NEMP2: variants seen among roughly 807,000 people sequenced by gnomAD.
NEMP2 encodes the protein nuclear envelope integral membrane protein 2.
NEMP2 carries 53 observed loss-of-function variants against 54.2 expected under a neutral mutation model. That is an observed-to-expected ratio of 0.98 (90% CI 0.78 to 1.23). The LOEUF (loss-of-function observed/expected upper bound fraction) is 1.23, where lower values mean the gene tolerates loss of function less well. NEMP2 is among the 50% of genes most tolerant of loss of function. The probability of loss-of-function intolerance (pLI) is 0.00; values close to 1 mark genes in which losing one functional copy is unlikely to be tolerated. For synonymous variants in NEMP2, 197 were observed against 190.3 expected, an observed-to-expected ratio of 1.04 and a Z score of -0.29; for missense variants, 455 against 511.3, an observed-to-expected ratio of 0.89 and a Z score of 1.06.
At chr2:190,561,082 G>C in the NEMP2 span, among the ~76,000 whole-genome samples, 5 of 152,184 alleles carry the variant, frequency 3.3e-5, no homozygotes, top group African/African-American at 1.2e-4. The surrounding 1 kb of genome is among the most constrained non-coding windows in gnomAD (Gnocchi z 5.4). Context: ...GCAGTGGGAA[G>C]GAGGTTCCTA....
Position 190,531,385 on chromosome 2 carries a change from T to C in NEMP2, c.97+3174A>G, listed in dbSNP as rs1405939382. 6.6e-6 allele frequency among the ~76,000 whole-genome samples: 1 copy of C among 152,210 alleles called. No homozygotes were observed. Among genetic ancestry groups the C allele is most frequent in the Non-Finnish European group, 1.5e-5 (1 of 68,024 alleles). ...GATCAACCCTGAATGCCATCCTTACTATGGAAAGACAGGTTTCTAAGCCTG... is the reference window on the plus strand; with the variant it reads ...GATCAACCCTGAATGCCATCCTTACCATGGAAAGACAGGTTTCTAAGCCTG... On this transcript the variant is annotated intron_variant, in intron 1 of 8. Transcript: ENST00000409150. The surrounding 1 kb of genome is among the most constrained non-coding windows in gnomAD (Gnocchi z 4.7).
chr2:190,604,637 A>G, the NEMP2 span, among the ~76,000 whole-genome samples: 1 of 152,192 alleles, frequency 6.6e-6, no homozygotes, highest in East Asian at 1.9e-4. The surrounding 1 kb of genome is among the most constrained non-coding windows in gnomAD (Gnocchi z 4.5). Flanking sequence ...AGCACTAAGT[A>G]GCAAAGTCAA....
the NEMP2 span, among the ~76,000 whole-genome samples, chr2:190,565,133 C>G: frequency 6.6e-6 from 1 of 151,578 alleles, no homozygotes; most frequent in Non-Finnish European, 1.5e-5. Flanking sequence ...CCAAGCTACT[C>G]CCTCCTGCTC....
chr2:190,638,015 G>A, the NEMP2 span, among the ~76,000 whole-genome samples: 1 of 152,236 alleles, frequency 6.6e-6, no homozygotes, highest in Admixed American at 6.5e-5. This position sits in a 1 kb window ranked among gnomAD's most constrained non-coding sequence, Gnocchi z 5.7. Flanking sequence ...GGGTGCCCGA[G>A]AGGGAGGTGA....
the NEMP2 span, among the ~76,000 whole-genome samples, chr2:190,488,251 A>G: frequency 6.6e-6 from 1 of 152,248 alleles, no homozygotes; most frequent in South Asian, 2.1e-4. The surrounding 1 kb of genome is among the most constrained non-coding windows in gnomAD (Gnocchi z 6.4). Context: ...CCAGGTTGAT[A>G]GCAGCATTAA....
chr2:190,568,048 T>C, the NEMP2 span: 2 of 152,188 alleles, frequency 1.3e-5, no homozygotes, highest in Admixed American at 1.3e-4. The surrounding 1 kb of genome is among the most constrained non-coding windows in gnomAD (Gnocchi z 4.7). Flanking sequence ...TTCAGAAAAC[T>C]TATGTCTCAT....
At chr2:190,547,005 A>G in the NEMP2 span, among the ~76,000 whole-genome samples, 5 of 152,204 alleles carry the variant, frequency 3.3e-5, no homozygotes, top group African/African-American at 1.2e-4. This position sits in a 1 kb window ranked among gnomAD's most constrained non-coding sequence, Gnocchi z 6.2. Context: ...GTTCTCACAC[A>G]ATCACAACCA....
chr2:190,448,573 A>G, the NEMP2 span, among the ~76,000 whole-genome samples: 40 of 152,348 alleles, frequency 2.6e-4, no homozygotes, highest in Admixed American at 2.0e-4. Context: ...AAAATAATAC[A>G]CAATTCAGTA....
At chr2:190,549,435 A>G in the NEMP2 span, among the ~76,000 whole-genome samples, 7 of 152,240 alleles carry the variant, frequency 4.6e-5, no homozygotes, top group African/African-American at 7.2e-5. Context: ...TGGCTACCCA[A>G]TGGTGCAGTT....
the NEMP2 span, among the ~76,000 whole-genome samples, chr2:190,492,061 T>C: frequency 1.3e-5 from 2 of 152,202 alleles, no homozygotes; most frequent in South Asian, 4.1e-4. The surrounding 1 kb of genome is among the most constrained non-coding windows in gnomAD (Gnocchi z 5.2). Context: ...AAGAAAGAAC[T>C]TCAGAGCTCA....
the NEMP2 span, among the ~76,000 whole-genome samples, chr2:190,428,976 A>G: frequency 5.9e-5 from 9 of 152,026 alleles, no homozygotes; most frequent in African/African-American, 9.7e-5. Flanking sequence ...CCCAGCCTCA[A>G]TCTTTTTTAT....
chr2:190,574,292 C>G, the NEMP2 span, among the ~76,000 whole-genome samples: 1 of 152,026 alleles, frequency 6.6e-6, no homozygotes, highest in African/African-American at 2.4e-5. Flanking sequence ...ACTCAAGCAC[C>G]TTTTTCATTT....
At chr2:190,441,243 C>G in the NEMP2 span, among the ~76,000 whole-genome samples, 1 of 152,056 alleles carries the variant, frequency 6.6e-6, no homozygotes, top group South Asian at 2.1e-4. Context: ...AGGGTCTGTT[C>G]TCGTGTCTTC....
the NEMP2 span, among the ~76,000 whole-genome samples, chr2:190,594,399 A>G: frequency 6.6e-6 from 1 of 152,168 alleles, no homozygotes; most frequent in African/African-American, 2.4e-5. The surrounding 1 kb of genome is among the most constrained non-coding windows in gnomAD (Gnocchi z 5.6). Flanking sequence ...GTATAGAAAC[A>G]TGTCTTGTTT....
the NEMP2 span, chr2:190,608,248 A>C: frequency 6.6e-6 from 1 of 152,178 alleles, no homozygotes; most frequent in African/African-American, 2.4e-5. The surrounding 1 kb of genome is among the most constrained non-coding windows in gnomAD (Gnocchi z 4.9). Flanking sequence ...AATGGTCCCA[A>C]TGTGCGAGAG....
chr2:190,478,058 C>G, the NEMP2 span, among the ~76,000 whole-genome samples: 1 of 152,174 alleles, frequency 6.6e-6, no homozygotes, highest in Non-Finnish European at 1.5e-5. Flanking sequence ...AAGCTGCCAA[C>G]CCAGGACATG....
chr2:190,548,097 A>T, the NEMP2 span, among the ~76,000 whole-genome samples: 1 of 150,966 alleles, frequency 6.6e-6, no homozygotes, highest in Non-Finnish European at 1.5e-5. Flanking sequence ...AAGAGGGAGG[A>T]TGTAGACTCC....
chr2:190,436,976 A>G, the NEMP2 span: 1 of 1,614,244 alleles, frequency 6.2e-7, no homozygotes, highest in Non-Finnish European at 8.5e-7. This position sits in a 1 kb window ranked among gnomAD's most constrained non-coding sequence, Gnocchi z 5.3. Flanking sequence ...ACACTCCAGT[A>G]TCTGGGAAAA....
the NEMP2 span, among the ~76,000 whole-genome samples, chr2:190,431,525 A>G: frequency 2.0e-4 from 30 of 152,328 alleles, no homozygotes; most frequent in African/African-American, 7.0e-4. This position sits in a 1 kb window ranked among gnomAD's most constrained non-coding sequence, Gnocchi z 4.4. Context: ...CAACACAGCG[A>G]AACCCCGTCT....
Sources: gnomAD v4.1 joint callset for allele counts (sites outside exome capture counted in the v4.1 genomes callset) on GRCh38, gnomAD v4.1.1 for gene constraint, Gnocchi (gnomAD v3.1) non-coding constraint, MANE v1.5 for transcripts, NCBI Gene and HGNC (gene_info 2026-07-23, HGNC 2026-07-21) for gene names.